The following RGS12 variants were observed in gnomAD, a reference collection of about 807,000 sequenced individuals.
RGS12 encodes the protein regulator of G protein signaling 12.
Under a neutral mutation model 120.1 loss-of-function variants are expected in RGS12, and 66 were observed. The ratio of observed to expected loss-of-function variants is 0.55; its 90% CI spans 0.45 to 0.67. The LOEUF (loss-of-function observed/expected upper bound fraction) is 0.67, where lower values mean the gene tolerates loss of function less well. Ranked by LOEUF, RGS12 falls within the 30% of genes least tolerant of loss-of-function variation. RGS12 has a pLI of 0.00. For missense variants in RGS12, 1,859 were observed against 1,957.7 expected (o/e 0.95, Z 0.95); for synonymous variants, 827 against 804.7 (o/e 1.03, Z -0.47).
At chr4:3,432,362 C>CTGGG in intron 17 of RGS12, 1 of 211,994 alleles carries the variant, frequency 4.7e-6, no homozygotes, top group Non-Finnish European at 8.2e-6. Context: ...GTGCTCCCAG[C>CTGGG]AGCACAGCTG....
At chr4:3,309,974 A>G (rs1168873427) in intron 1 of RGS12, among the ~76,000 whole-genome samples, 1 of 134,202 alleles carries the variant, frequency 7.5e-6, no homozygotes, top group African/African-American at 2.9e-5. Flanking sequence ...AGGAGCTGGG[A>G]CCCGGGAATG....
chr4:3,303,355 G>A (rs1302598614), intron 1 of RGS12, among the ~76,000 whole-genome samples: 1 of 152,200 alleles, frequency 6.6e-6, no homozygotes, highest in East Asian at 1.9e-4. Context: ...GAGGGCCTCC[G>A]ACTGGATGGG....
At chr4:3,363,617 C>G (rs1432061351) in intron 3 of RGS12, among the ~76,000 whole-genome samples, 2 of 152,150 alleles carry the variant, frequency 1.3e-5, no homozygotes, top group Non-Finnish European at 2.9e-5. Flanking sequence ...GAGATGGACG[C>G]AGCGTCCCGC....
At chr4:3,401,150 G>A (rs1200368933) in intron 4 of RGS12, among the ~76,000 whole-genome samples, 1 of 152,104 alleles carries the variant, frequency 6.6e-6, no homozygotes, top group African/African-American at 2.4e-5. Flanking sequence ...GATTTCCATG[G>A]GAGCATATGT....
At chr4:3,382,702 T>C (rs1176234614) in intron 3 of RGS12, among the ~76,000 whole-genome samples, 6 of 152,198 alleles carry the variant, frequency 3.9e-5, no homozygotes, top group African/African-American at 1.4e-4. Context: ...GTCAGTGTAA[T>C]TGTTTTCAGT....
intron 2 of RGS12, chr4:3,324,243 A>G (rs1725408404): frequency 6.5e-6 from 1 of 154,594 alleles, no homozygotes; most frequent in South Asian, 1.9e-4. Flanking sequence ...GGGAACCCCC[A>G]TCTCAGGACG....
At chr4:3,294,469 C>T (rs962202536) in intron 1 of RGS12, among the ~76,000 whole-genome samples, 2 of 152,206 alleles carry the variant, frequency 1.3e-5, no homozygotes, top group Non-Finnish European at 2.9e-5. Context: ...TGTCACAGTG[C>T]GAAGTTTCTT....
At chr4:3,437,619 G>A (rs1724937106) in intron 17 of RGS12, among the ~76,000 whole-genome samples, 1 of 152,210 alleles carries the variant, frequency 6.6e-6, no homozygotes, top group Non-Finnish European at 1.5e-5. Flanking sequence ...AGCCCTGGCA[G>A]AACCTAGTAG....
chr4:3,361,677 G>A (rs907563342), intron 3 of RGS12, among the ~76,000 whole-genome samples: 1 of 152,178 alleles, frequency 6.6e-6, no homozygotes, highest in African/African-American at 2.4e-5. Context: ...AGAGGTGGAG[G>A]TCAGAGGATG....
intron 15 of RGS12, 36 bp downstream of exon 15, chr4:3,428,205 C>T (rs370177098): frequency 2.3e-5 from 37 of 1,578,336 alleles, no homozygotes; most frequent in Non-Finnish European, 2.8e-5. Flanking sequence ...GTGCCCTGCT[C>T]CTCTCGCTGT....
chr4:3,324,422 TC>T, intron 2 of RGS12: 1 of 241,536 alleles, frequency 4.1e-6, no homozygotes, highest in Non-Finnish European at 8.2e-6. Flanking sequence ...TGTCTTTTAG[TC>T]CAGGCCAACA....
In RGS12 at chr4:3,439,880, C is replaced by T. The variant is rs978758142; in HGVS notation, c.*196C>T. On this transcript the variant is annotated 3_prime_UTR_variant, in exon 18 of 18. Coordinates refer to ENST00000336727, the MANE Select transcript of RGS12 (RefSeq NM_001394154.1). ...CCATGGGGCTCCCTGGCCCTGGCCT[C>T]CTGCTGCCCAATAAAGCATTTCTGA... 4 of 536,506 alleles carry T rather than the reference C, an allele frequency of 7.5e-6. No homozygotes were observed. The highest frequency in any genetic ancestry group is 9.5e-6 in the Non-Finnish European group (3 of 314,404). 33.2% of individuals were successfully genotyped at this position (536,506 alleles called of 1,614,324 possible). A position where few individuals can be genotyped will look rare whatever the true frequency, so the allele number is the denominator to read the frequency against.
chr4:3,398,690 G>A (rs1004007295), intron 4 of RGS12, among the ~76,000 whole-genome samples: 2 of 151,886 alleles, frequency 1.3e-5, no homozygotes, highest in Admixed American at 6.6e-5. Flanking sequence ...TAAGTACTCC[G>A]AGGGGGAATT....
chr4:3,419,733 A>G (rs928663602), intron 9 of RGS12, among the ~76,000 whole-genome samples: 4 of 151,972 alleles, frequency 2.6e-5, no homozygotes, highest in African/African-American at 9.7e-5. Context: ...TGGGAAGAAA[A>G]TTGCTTGGGT....
intron 9 of RGS12, chr4:3,417,838 G>A: frequency 3.0e-6 from 1 of 337,548 alleles, no homozygotes; most frequent in Non-Finnish European, 5.4e-6. Context: ...GAACATCTGT[G>A]TCCTCTCCTG....
At chr4:3,286,092 C>T in the RGS12 span, among the ~76,000 whole-genome samples, 1 of 152,258 alleles carries the variant, frequency 6.6e-6, no homozygotes, top group Non-Finnish European at 1.5e-5. Context: ...AAGGCAGTGC[C>T]TCCGTCCAGC....
At chr4:3,385,981 A>G (rs541614116) in intron 3 of RGS12, 79 of 189,634 alleles carry the variant, frequency 4.2e-4, no homozygotes, top group Non-Finnish European at 1.7e-4. Flanking sequence ...GTCATGGCAC[A>G]CAGGCACTGA....
intron 4 of RGS12, 87 bp downstream of exon 4, chr4:3,386,524 G>T: frequency 1.7e-6 from 2 of 1,165,198 alleles, no homozygotes; most frequent in South Asian, 2.6e-5. Context: ...GATGCCCTCA[G>T]GAAGGACGGG....
rs1722335962 is a variant in RGS12 at position 3,415,840 on chromosome 4, T to G, written c.2284-138T>G. ...TGCTGCATTCTGGCCACACTTTTAT[T>G]TATTTATTCAAGCAAGAGGTATTTA... On this transcript the variant is annotated intron_variant, in intron 6 of 17. Coordinates refer to ENST00000336727, the MANE Select transcript of RGS12 (RefSeq NM_001394154.1). 5.9e-6 allele frequency: 5 copies of G among 848,980 alleles called. No individual in the cohort carries two copies. In the East Asian group the frequency reaches 1.3e-4, roughly 23 times the overall value. 52.6% of individuals were successfully genotyped at this position (848,980 alleles called of 1,614,324 possible). A position where few individuals can be genotyped will look rare whatever the true frequency, so the allele number is the denominator to read the frequency against.
Sources: gnomAD v4.1 joint callset for allele counts (sites outside exome capture counted in the v4.1 genomes callset) on GRCh38, gnomAD v4.1.1 for gene constraint, MANE v1.5 for transcripts, NCBI Gene and HGNC (gene_info 2026-07-23, HGNC 2026-07-21) for gene names.